FEZ2: variants seen among roughly 807,000 people sequenced by gnomAD.
FEZ2 encodes the protein fasciculation and elongation protein zeta 2, also known as fasciculation and elongation protein zeta-2.
FEZ2 carries 51 observed loss-of-function variants against 40.4 expected under a neutral mutation model. The ratio of observed to expected loss-of-function variants is 1.26; its 90% CI spans 1.01 to 1.59. FEZ2 has a LOEUF of 1.59. FEZ2 is among the 40% of genes most tolerant of loss of function. The pLI, the probability that FEZ2 is intolerant of heterozygous loss-of-function variation, is 0.00. For missense variants in FEZ2, 640 were observed against 438.3 expected (o/e 1.46, Z -4.11); for synonymous variants, 242 against 172.0 (o/e 1.41, Z -3.18).
Position 36,597,875 on chromosome 2 carries a change from ACT to A in FEZ2, c.266_266+1del. On this transcript the variant is annotated splice_donor_variant and coding_sequence_variant, in exon 1 of 8. Transcript: ENST00000405912. LOFTEE classifies it high-confidence loss of function. ...CACTCCCGGCCGGGGCCCCGCACTC[ACT>A]CGTCCCCCTGCAGGAGGCTGCGCTC... 1 of 1,362,706 alleles carries A rather than the reference ACT, an allele frequency of 7.3e-7. No individual in the cohort carries two copies. 84.4% of individuals were successfully genotyped at this position (1,362,706 alleles called of 1,614,324 possible). A position where few individuals can be genotyped will look rare whatever the true frequency, so the allele number is the denominator to read the frequency against.
At chr2:36,597,521 G>A (rs534532991) in intron 1 of FEZ2, among the ~76,000 whole-genome samples, 1 of 152,142 alleles carries the variant, frequency 6.6e-6, no homozygotes, top group Non-Finnish European at 1.5e-5. Flanking sequence ...TAATAAATGC[G>A]ACTTGAGTGA....
intron 2 of FEZ2, among the ~76,000 whole-genome samples, chr2:36,588,369 G>A (rs17019147): frequency 0.063 from 9,584 of 152,122 alleles, 979 homozygotes; most frequent in East Asian, 0.45. Flanking sequence ...TAAACTCTAC[G>A]TCATTACTAA....
At chr2:36,570,363 T>C (rs1477767475) in intron 5 of FEZ2, among the ~76,000 whole-genome samples, 1 of 152,176 alleles carries the variant, frequency 6.6e-6, no homozygotes, top group African/African-American at 2.4e-5. Flanking sequence ...ATCTTCAAAA[T>C]TAGCATTAAA....
chr2:36,582,174 T>C (rs1668768706), intron 3 of FEZ2, among the ~76,000 whole-genome samples: 1 of 150,618 alleles, frequency 6.6e-6, no homozygotes, highest in Admixed American at 6.6e-5. Flanking sequence ...TCAGCGAAAA[T>C]GTAAAGGAAA....
chr2:36,592,961 T>C (rs1669112364), intron 1 of FEZ2, among the ~76,000 whole-genome samples: 10 of 152,226 alleles, frequency 6.6e-5, no homozygotes, highest in Admixed American at 6.5e-4. Flanking sequence ...ATATCTCCTC[T>C]AATGCCAGTG....
chr2:36,566,339 CAA>C (rs11384694), intron 5 of FEZ2, among the ~76,000 whole-genome samples: 7 of 132,216 alleles, frequency 5.3e-5, no homozygotes, highest in African/African-American at 8.1e-5. Context: ...GACTCCGTCT[CAA>C]AAAAAAAAAA....
chr2:36,554,906 T>C (rs1287181561), intron 7 of FEZ2, among the ~76,000 whole-genome samples: 1 of 152,220 alleles, frequency 6.6e-6, no homozygotes, highest in East Asian at 1.9e-4. Context: ...AGAGGATTGC[T>C]CTCAAAATTT....
intron 5 of FEZ2, among the ~76,000 whole-genome samples, chr2:36,578,148 T>C (rs1553342685): frequency 1.3e-5 from 2 of 152,202 alleles, no homozygotes; most frequent in African/African-American, 2.4e-5. Context: ...TACAAACAAT[T>C]TGTGCCTTGA....
At chr2:36,571,262 A>AAT (rs1668401754) in intron 5 of FEZ2, among the ~76,000 whole-genome samples, 1 of 152,234 alleles carries the variant, frequency 6.6e-6, no homozygotes, top group Non-Finnish European at 1.5e-5. Context: ...CTATCATGCT[A>AAT]ATAGTAATTC....
rs552157990 is a variant in FEZ2, at chr2:36,575,647, A to C, written c.903+2950T>G. ...CTTTTATAAGATAATACTTTCTGTA[A>C]CATTTCACATATTTTCATGGTCTAA... On this transcript the variant is annotated intron_variant, in intron 5 of 7. Coordinates refer to ENST00000405912, the MANE Select transcript of FEZ2 (RefSeq NM_005102.3). Among the ~76,000 whole-genome samples, 22 of 152,336 alleles carry C rather than the reference A, an allele frequency of 1.4e-4. No homozygotes were observed. In the South Asian group the frequency reaches 4.6e-3, roughly 32 times the overall value.
intron 2 of FEZ2, among the ~76,000 whole-genome samples, chr2:36,584,259 C>G (rs952397178): frequency 6.6e-6 from 1 of 152,190 alleles, no homozygotes; most frequent in Non-Finnish European, 1.5e-5. Flanking sequence ...CTCTGATTAG[C>G]AGACTTCTCC....
intron 5 of FEZ2, among the ~76,000 whole-genome samples, chr2:36,569,237 C>T (rs1286430662): frequency 1.3e-5 from 2 of 152,166 alleles, no homozygotes; most frequent in African/African-American, 2.4e-5. Flanking sequence ...AAAGTATTGG[C>T]TATAATTCCT....
Position 36,578,584 on chromosome 2 carries a change from A to C in FEZ2, c.903+13T>G, listed in dbSNP as rs761420785. On this transcript the variant is annotated intron_variant, in intron 5 of 7. Coordinates refer to ENST00000405912, the MANE Select transcript of FEZ2 (RefSeq NM_005102.3). ...TTTCCAGTGTTCGACGCCTCCTGCA[A>C]AACATCACTTACTGTGCCGGGCATA... 7 of 1,603,688 alleles carry C rather than the reference A, an allele frequency of 4.4e-6. No homozygotes were observed. In the African/African-American group the frequency reaches 9.5e-5, roughly 22 times the overall value.
chr2:36,570,036 G>A (rs1668363691), intron 5 of FEZ2, among the ~76,000 whole-genome samples: 2 of 151,994 alleles, frequency 1.3e-5, no homozygotes, highest in Admixed American at 6.6e-5. Flanking sequence ...TTATAAAACA[G>A]TAGGTTTAAT....
chr2:36,556,297 C>A (rs1667960067), intron 6 of FEZ2: 1 of 194,776 alleles, frequency 5.1e-6, no homozygotes, highest in Non-Finnish European at 1.1e-5. Context: ...GTTGCCTCCT[C>A]TGCACTAGGG....
chr2:36,590,777 C>A, intron 2 of FEZ2, 126 bp downstream of exon 2: 2 of 654,226 alleles, frequency 3.1e-6, no homozygotes, highest in East Asian at 2.8e-5. Context: ...ACAGAGCCAC[C>A]CAAACTGCTA....
chr2:36,591,885 C>T (rs1466201065), intron 1 of FEZ2, among the ~76,000 whole-genome samples: 1 of 152,144 alleles, frequency 6.6e-6, no homozygotes, highest in East Asian at 1.9e-4. Flanking sequence ...ATACTCCTTC[C>T]AGCTCCATTA....
chr2:36,575,232 G>C (rs72868471), intron 5 of FEZ2, among the ~76,000 whole-genome samples: 253 of 152,254 alleles, frequency 1.7e-3, no homozygotes, highest in African/African-American at 5.8e-3. Flanking sequence ...AGGTCGGGCT[G>C]TAAGTGGAGT....
intron 2 of FEZ2, among the ~76,000 whole-genome samples, chr2:36,585,753 C>T (rs753683489): frequency 1.3e-5 from 2 of 152,126 alleles, no homozygotes; most frequent in Non-Finnish European, 2.9e-5. Context: ...AATTCAACCC[C>T]AGATGTTATG....
Sources: gnomAD v4.1 joint callset for allele counts (sites outside exome capture counted in the v4.1 genomes callset) on GRCh38, gnomAD v4.1.1 for gene constraint, MANE v1.5 for transcripts, NCBI Gene and HGNC (gene_info 2026-07-23, HGNC 2026-07-21) for gene names.